The following MICU1 variants were observed in gnomAD, a reference collection of about 807,000 sequenced individuals.
MICU1 encodes mitochondrial calcium uptake 1, also known as calcium uptake protein 1, mitochondrial.
Under a neutral mutation model 56.8 loss-of-function variants are expected in MICU1, and 45 were observed. That is an observed-to-expected ratio of 0.79 (90% CI 0.62 to 1.02). The LOEUF is 1.02. Ranked by LOEUF, MICU1 falls within the 50% of genes least tolerant of loss-of-function variation. MICU1 has a pLI of 0.00. For missense variants in MICU1, 504 were observed against 587.1 expected, an observed-to-expected ratio of 0.86 and a Z score of 1.46; for synonymous variants, 186 against 195.1, an observed-to-expected ratio of 0.95 and a Z score of 0.39.
intron 6 of MICU1, among the ~76,000 whole-genome samples, chr10:72,503,770 G>C (rs979573848): frequency 6.6e-6 from 1 of 151,740 alleles, no homozygotes; most frequent in Non-Finnish European, 1.5e-5. Context: ...GAAGTTTCAG[G>C]ATACAAAATC....
rs181910529 is a variant in MICU1 at position 72,564,062 on chromosome 10, T to C, written c.162-999A>G. Reference sequence around the variant, plus strand: ...GTAGTTGAAGCCATTGCTGCAATGATATAATACTAAAATTAATTAAATATT... The same window carrying C: ...GTAGTTGAAGCCATTGCTGCAATGACATAATACTAAAATTAATTAAATATT... On this transcript the variant is annotated intron_variant, in intron 2 of 11. Transcript: ENST00000361114. 3.3e-3 allele frequency among the ~76,000 whole-genome samples: 504 copies of C among 152,328 alleles called. 5 individuals carry two copies. Among genetic ancestry groups the C allele is most frequent in the African/African-American group, 0.012 (492 of 41,580 alleles).
chr10:72,600,189 G>T (rs1841487041), intron 1 of MICU1, among the ~76,000 whole-genome samples: 1 of 152,012 alleles, frequency 6.6e-6, no homozygotes, highest in East Asian at 1.9e-4. Context: ...CTACTCTGGG[G>T]GTTGAGGCAG....
At chr10:72,433,421 A>ATTTTTTTT in intron 8 of MICU1, among the ~76,000 whole-genome samples, 1 of 137,696 alleles carries the variant, frequency 7.3e-6, no homozygotes, top group African/African-American at 2.8e-5. Context: ...TAATTTTTGT[A>ATTTTTTTT]TTTTTGTATT....
intron 9 of MICU1, among the ~76,000 whole-genome samples, chr10:72,420,569 G>A (rs1864125769): frequency 6.6e-6 from 1 of 152,102 alleles, no homozygotes; most frequent in Non-Finnish European, 1.5e-5. Flanking sequence ...TGGTCAGATG[G>A]TAGCCATTGT....
intron 10 of MICU1, among the ~76,000 whole-genome samples, chr10:72,382,715 A>G (rs1862757007): frequency 6.6e-6 from 1 of 151,968 alleles, no homozygotes. Context: ...TCAAGACCAG[A>G]CTGGCCAACA....
At chr10:72,529,719 A>T (rs1839420287) in intron 5 of MICU1, among the ~76,000 whole-genome samples, 2 of 152,194 alleles carry the variant, frequency 1.3e-5, no homozygotes, top group African/African-American at 2.4e-5. Flanking sequence ...CAAATAAAAG[A>T]GAGCAACTAA....
At chr10:72,380,117 CT>C (rs1862651412) in intron 10 of MICU1, among the ~76,000 whole-genome samples, 2 of 152,238 alleles carry the variant, frequency 1.3e-5, no homozygotes, top group African/African-American at 2.4e-5. Context: ...ACAAGTTTTC[CT>C]CCCAGATCTC....
At chr10:72,408,994 T>C (rs956509341) in intron 9 of MICU1, among the ~76,000 whole-genome samples, 2 of 152,204 alleles carry the variant, frequency 1.3e-5, no homozygotes, top group Non-Finnish European at 2.9e-5. Context: ...CCACTTTCTA[T>C]GATGCATCGA....
chr10:72,516,559 T>C (rs1181119983), intron 5 of MICU1, among the ~76,000 whole-genome samples: 1 of 152,232 alleles, frequency 6.6e-6, no homozygotes, highest in Non-Finnish European at 1.5e-5. Context: ...AGGGTTTTTA[T>C]GGTTTTAGGT....
intron 8 of MICU1, among the ~76,000 whole-genome samples, chr10:72,471,142 T>C (rs1865938201): frequency 6.6e-6 from 1 of 152,146 alleles, no homozygotes; most frequent in Non-Finnish European, 1.5e-5. Flanking sequence ...TGGAGTGCAG[T>C]GGCGCAATCT....
At chr10:72,543,046 G>T (rs974355610) in intron 4 of MICU1, among the ~76,000 whole-genome samples, 3 of 152,192 alleles carry the variant, frequency 2.0e-5, no homozygotes, top group Non-Finnish European at 2.9e-5. Flanking sequence ...TGAGTCTGGG[G>T]TCTTTATAGG....
intron 1 of MICU1, among the ~76,000 whole-genome samples, chr10:72,585,650 CTCTT>C (rs1841029206): frequency 6.7e-6 from 1 of 149,864 alleles, no homozygotes; most frequent in Non-Finnish European, 1.5e-5. Flanking sequence ...CAGAGCAAGA[CTCTT>C]TCTCAAAAAA....
At chr10:72,394,141 A>G (rs776209430) in intron 10 of MICU1, among the ~76,000 whole-genome samples, 2 of 152,140 alleles carry the variant, frequency 1.3e-5, no homozygotes, top group Non-Finnish European at 2.9e-5. Flanking sequence ...GGCTGGGCAT[A>G]GTGGCTCATG....
chr10:72,414,680 G>T (rs1863926168), intron 9 of MICU1, among the ~76,000 whole-genome samples: 5 of 152,148 alleles, frequency 3.3e-5, no homozygotes, highest in Admixed American at 2.6e-4. Flanking sequence ...CAGTTAAAAT[G>T]GATAACTTAT....
At chr10:72,512,182 G>A (rs1867489223) in intron 5 of MICU1, among the ~76,000 whole-genome samples, 1 of 125,774 alleles carries the variant, frequency 8.0e-6, no homozygotes. Flanking sequence ...CACAATCTCT[G>A]CTTACTGCAA....
chr10:72,429,625 C>T (rs1487771753), intron 8 of MICU1, among the ~76,000 whole-genome samples: 1 of 152,038 alleles, frequency 6.6e-6, no homozygotes, highest in Admixed American at 6.6e-5. Flanking sequence ...TGAATGAACA[C>T]AGACAAAACA....
Position 72,606,467 on chromosome 10 carries a change from C to A in MICU1, c.-2+19543G>T, listed in dbSNP as rs537762871. ...GGCAGAGGTTGCAGTGAGCTGAGAT[C>A]CCGCCATTATACTCCAGCCTGGGCA... On this transcript the variant is annotated intron_variant, in intron 1 of 11. Transcript: ENST00000361114. Among the ~76,000 whole-genome samples, 63 of 152,062 alleles carry A rather than the reference C, an allele frequency of 4.1e-4. No individual in the cohort carries two copies. The Middle Eastern group carries it at 0.01, about 25-fold the overall frequency.
Position 72,475,144 on chromosome 10 carries a change from G to T in MICU1, c.889C>A (p.Leu297Ile), listed in dbSNP as rs372265013. Residue 297 changes from leucine to isoleucine, a missense_variant, in exon 8 of 12, where the codon CTC (leucine) becomes ATC (isoleucine). Transcript: ENST00000361114. ...LKGKLTIKNF[L>I]EFQRKLQHDV... ...TGCTGCAGTTTACGCTGAAATTCGA[G>T]GAAGTTTTTGATTGTCAGCTTTCCC... is the stretch of plus-strand genomic sequence containing the variant. 1 of 1,611,242 alleles carries T rather than the reference G, an allele frequency of 6.2e-7. No individual in the cohort carries two copies. Among genetic ancestry groups the T allele is most frequent in the Non-Finnish European group, 8.5e-7 (1 of 1,178,756 alleles).
chr10:72,401,840 C>T (rs915968437), intron 10 of MICU1, among the ~76,000 whole-genome samples: 2 of 152,126 alleles, frequency 1.3e-5, no homozygotes, highest in South Asian at 2.1e-4. Context: ...TGAAGCTTTG[C>T]ACCCTTTGAA....
Sources: gnomAD v4.1 joint callset for allele counts (sites outside exome capture counted in the v4.1 genomes callset) on GRCh38, gnomAD v4.1.1 for gene constraint, MANE v1.5 for transcripts, NCBI Gene and HGNC (gene_info 2026-07-23, HGNC 2026-07-21) for gene names.